OGDHL: variants seen among roughly 807,000 people sequenced by gnomAD.
OGDHL encodes the protein 2-oxoglutarate dehydrogenase-like, mitochondrial.
A neutral mutation model predicts 109.6 loss-of-function variants in OGDHL; 79 were observed. The ratio of observed to expected loss-of-function variants is 0.72; its 90% CI spans 0.60 to 0.87. The LOEUF (loss-of-function observed/expected upper bound fraction) is 0.87, where lower values mean the gene tolerates loss of function less well. OGDHL is among the 40% of genes least tolerant of loss of function. The pLI, the probability that OGDHL is intolerant of heterozygous loss-of-function variation, is 0.00. For synonymous variants in OGDHL, 528 were observed against 537.2 expected (o/e 0.98, Z 0.24); for missense variants, 1,275 against 1,362.2 (o/e 0.94, Z 1.01).
intron 8 of OGDHL, 129 bp from the exon 9 acceptor site, chr10:49,747,337 C>G: frequency 1.1e-6 from 1 of 940,990 alleles, no homozygotes. Context: ...GAGGGCCAAG[C>G]TGTCTCTGAC....
chr10:49,753,784 G>A (rs1052294008), intron 3 of OGDHL, among the ~76,000 whole-genome samples: 8 of 151,912 alleles, frequency 5.3e-5, no homozygotes, highest in African/African-American at 1.9e-4. Context: ...CAGCTACTTG[G>A]GAGGATGAGG....
At chr10:49,761,413 G>T (rs1267605799) in intron 1 of OGDHL, among the ~76,000 whole-genome samples, 1 of 152,238 alleles carries the variant, frequency 6.6e-6, no homozygotes, top group Non-Finnish European at 1.5e-5. Flanking sequence ...GTAAACAGAG[G>T]CCGGGAAGGG....
At chr10:49,756,140 T>C (rs1220448613) in intron 3 of OGDHL, among the ~76,000 whole-genome samples, 1 of 152,236 alleles carries the variant, frequency 6.6e-6, no homozygotes. Flanking sequence ...CTGCCTCACA[T>C]TTCCCTGACG....
chr10:49,736,244 G>T, intron 21 of OGDHL, 67 bp from the exon 22 acceptor site: 1 of 1,572,592 alleles, frequency 6.4e-7, no homozygotes, highest in Non-Finnish European at 8.6e-7. Context: ...CCCCCGGACA[G>T]GAGGCACAGG....
intron 3 of OGDHL, chr10:49,756,574 A>C (rs1842927487): frequency 2.0e-6 from 1 of 504,876 alleles, no homozygotes; most frequent in East Asian, 3.1e-5. Flanking sequence ...AGTATGCACA[A>C]AAAAAAATTC....
rs1842658824 is a variant in OGDHL, at chr10:49,752,277, G to C, written c.479-29C>G. 4 of 1,575,466 alleles carry C rather than the reference G, an allele frequency of 2.5e-6. No individual in the cohort carries two copies. In the African/African-American group the frequency reaches 4.0e-5, roughly 16 times the overall value. On this transcript the variant is annotated intron_variant, in intron 4 of 22. Transcript: ENST00000374103. ...GAGAAGGAGGCGTGGCCGAGCCCCG[G>C]GCAGCAAAGTGGAGGGAGGGAGGTC...
At chr10:49,738,605 C>T (rs969912144) in intron 17 of OGDHL, 1 of 356,176 alleles carries the variant, frequency 2.8e-6, no homozygotes, top group African/African-American at 2.1e-5. Context: ...AGGAATCCCA[C>T]ACGCCTTATC....
At chr10:49,755,710 ACT>A (rs1373195018) in intron 3 of OGDHL, among the ~76,000 whole-genome samples, 2 of 151,716 alleles carry the variant, frequency 1.3e-5, no homozygotes, top group East Asian at 1.9e-4. Context: ...TGCCAGGAAA[ACT>A]CTCTAATGCC....
At chr10:49,743,857 G>T in intron 14 of OGDHL, 137 bp downstream of exon 14, 1 of 1,088,356 alleles carries the variant, frequency 9.2e-7, no homozygotes, top group Non-Finnish European at 1.3e-6. Context: ...ACATGGTGCC[G>T]AGAGCTACGT....
chr10:49,746,605 A>G (rs1842201228), intron 10 of OGDHL, 145 bp downstream of exon 10: 1 of 1,091,678 alleles, frequency 9.2e-7, no homozygotes, highest in Admixed American at 2.6e-5. Context: ...CCAGGACACC[A>G]AGGCTGGAAA....
intron 2 of OGDHL, among the ~76,000 whole-genome samples, chr10:49,758,148 C>T (rs1017488184): frequency 5.9e-5 from 9 of 152,364 alleles, no homozygotes; most frequent in East Asian, 1.9e-4. Flanking sequence ...AAAGGGGGCA[C>T]GGCAGGGCTC....
chr10:49,738,105 C>G, intron 18 of OGDHL, 33 bp from the exon 19 acceptor site: 1 of 1,613,996 alleles, frequency 6.2e-7, no homozygotes, highest in African/African-American at 1.3e-5. Context: ...GCCAGGGTGG[C>G]TGTCTGCTGC....
Position 49,742,905 on chromosome 10 carries a change from G to C in OGDHL, c.1935C>G (p.Tyr645Ter), listed in dbSNP as rs1281617072. 1 of 1,614,058 alleles carries C rather than the reference G, an allele frequency of 6.2e-7. No individual in the cohort carries two copies. Residue 645 changes from tyrosine to a stop codon, truncating the protein, a stop_gained, in exon 15 of 23, where the codon TAC becomes TAG. Transcript: ENST00000374103. LOFTEE classifies it high-confidence loss of function. ...NRTVDWALAE[Y>*]MAFGSLLKEG... is the part of the protein sequence containing the mutation. The stretch of plus-strand genomic sequence containing the variant: ...CCTTCAGCAGGGAGCCAAAGGCCAT[G>C]TACTCTGCCAACGCCCAGTCCACCG...
At chr10:49,752,033 C>T (rs1443800391) in intron 5 of OGDHL, 52 bp from the exon 6 acceptor site, 1 of 1,612,234 alleles carries the variant, frequency 6.2e-7, no homozygotes, top group Non-Finnish European at 8.5e-7. Flanking sequence ...GGACGGCTGA[C>T]ATCCCTGCTG....
At chr10:49,742,688 A>G (rs1174933158) in intron 15 of OGDHL, 140 bp downstream of exon 15, 4 of 1,136,808 alleles carry the variant, frequency 3.5e-6, no homozygotes, top group South Asian at 1.6e-5. Context: ...CGAGGTGGCC[A>G]TCTGATGATG....
rs1841606202 is a variant in OGDHL, at chr10:49,740,919, G to A, written c.2013-82C>T. The A allele has an allele frequency of 3.2e-6, 5 of 1,566,500 alleles. No individual in the cohort carries two copies. In the East Asian group the frequency reaches 9.0e-5, roughly 28 times the overall value. ...CCTGGAGCAGGGGAGCTGGGCAGCAGGAGGCAGGCAAGCCTCCGTCACTGT... is the reference window on the plus strand; with the variant it reads ...CCTGGAGCAGGGGAGCTGGGCAGCAAGAGGCAGGCAAGCCTCCGTCACTGT... On this transcript the variant is annotated intron_variant, in intron 15 of 22. Transcript: ENST00000374103.
intron 20 of OGDHL, 46 bp from the exon 21 acceptor site, chr10:49,736,566 G>C (rs750364095): frequency 1.9e-6 from 3 of 1,591,824 alleles, no homozygotes; most frequent in Middle Eastern, 1.7e-4. Context: ...ACCCAGAGGG[G>C]CTGGGGCAGC....
At chr10:49,759,109 G>A (rs368064086) in intron 1 of OGDHL, among the ~76,000 whole-genome samples, 8 of 152,096 alleles carry the variant, frequency 5.3e-5, no homozygotes, top group East Asian at 1.9e-4. Context: ...CACAGGTGTC[G>A]GGGGTGATAG....
intron 6 of OGDHL, 120 bp from the exon 7 acceptor site, chr10:49,751,105 ATCC>A (rs1170578001): frequency 3.2e-6 from 3 of 942,602 alleles, no homozygotes; most frequent in Non-Finnish European, 4.7e-6. Context: ...GAAGTCACAA[ATCC>A]TCCTTCCACC....
Sources: allele counts gnomAD v4.1 joint callset (sites outside exome capture counted in the v4.1 genomes callset), GRCh38; gene constraint gnomAD v4.1.1; transcripts MANE v1.5; gene names NCBI Gene and HGNC (gene_info 2026-07-23, HGNC 2026-07-21).